The following PRDM5 variants were observed in gnomAD, a reference collection of about 807,000 sequenced individuals.
The protein encoded by PRDM5 is PR domain zinc finger protein 5.
In PRDM5, 56 loss-of-function variants were observed where a neutral mutation model predicts 81.2. That is an observed-to-expected ratio of 0.69 (90% CI 0.56 to 0.86). The LOEUF (loss-of-function observed/expected upper bound fraction) is 0.86. Among genes scored for constraint, PRDM5 ranks in the 40% least tolerant of loss-of-function variants. The pLI is 0.00. For missense variants in PRDM5, 697 were observed against 770.1 expected, an observed-to-expected ratio of 0.91 and a Z score of 1.12; for synonymous variants, 267 against 256.4, an observed-to-expected ratio of 1.04 and a Z score of -0.39.
At chr4:120,830,880 A>T (rs1330573114) in intron 3 of PRDM5, among the ~76,000 whole-genome samples, 5 of 152,042 alleles carry the variant, frequency 3.3e-5, no homozygotes, top group African/African-American at 1.2e-4. Flanking sequence ...ATCAATCACA[A>T]ATTACTAACA....
At chr4:120,892,438 T>C (rs372988632) in intron 2 of PRDM5, among the ~76,000 whole-genome samples, 1 of 152,296 alleles carries the variant, frequency 6.6e-6, no homozygotes, top group East Asian at 1.9e-4. Context: ...TATTGTGTGG[T>C]TATCTAAGTC....
intron 12 of PRDM5, 32 bp downstream of exon 12, chr4:120,781,111 T>A: frequency 6.3e-7 from 1 of 1,586,386 alleles, no homozygotes. Context: ...AAACACGTAA[T>A]CTGTTCAAAC....
chr4:120,816,327 G>T (rs753936958), intron 7 of PRDM5, 126 bp downstream of exon 7: 3 of 1,490,308 alleles, frequency 2.0e-6, no homozygotes, highest in South Asian at 2.3e-5. Context: ...CACTGCCAGC[G>T]CTCCACATCT....
intron 2 of PRDM5, among the ~76,000 whole-genome samples, chr4:120,899,869 C>T (rs945011680): frequency 2.0e-5 from 3 of 152,108 alleles, no homozygotes; most frequent in African/African-American, 4.8e-5. Flanking sequence ...TGACACACTC[C>T]CCAGGTTCAA....
At chr4:120,796,859 T>C (rs1751419002) in intron 10 of PRDM5, among the ~76,000 whole-genome samples, 1 of 152,172 alleles carries the variant, frequency 6.6e-6, no homozygotes, top group Admixed American at 6.5e-5. Context: ...CCATGGAGTA[T>C]AATAACTGAA....
At position 120,922,618 on chromosome 4, in the gene PRDM5, C is replaced by T. The variant is rs1725113274; in HGVS notation, c.-10G>A. 1 of 1,576,774 alleles carries T rather than the reference C, an allele frequency of 6.3e-7. No homozygotes were observed. The highest frequency in any genetic ancestry group is 2.4e-5 in the East Asian group (1 of 42,550). Reference sequence around the variant, plus strand: ...CGTACATGCCCAGCATTTTCCCGGGCGCGGCGGCCGCCGCCTCTCTCAACA... The same window carrying T: ...CGTACATGCCCAGCATTTTCCCGGGTGCGGCGGCCGCCGCCTCTCTCAACA... On this transcript the variant is annotated 5_prime_UTR_variant, in exon 1 of 16. Coordinates refer to ENST00000264808, the MANE Select transcript of PRDM5 (RefSeq NM_018699.4).
chr4:120,739,467 T>C (rs1401513233), intron 14 of PRDM5, among the ~76,000 whole-genome samples: 2 of 152,158 alleles, frequency 1.3e-5, no homozygotes, highest in Non-Finnish European at 2.9e-5. Flanking sequence ...ACATATAGAA[T>C]GAGAATGCAG....
chr4:120,695,314 TAAAC>T (rs749011194), intron 15 of PRDM5, 39 bp from the exon 16 acceptor site: 1 of 1,607,382 alleles, frequency 6.2e-7, no homozygotes. Context: ...TATACTGAAA[TAAAC>T]AAAATTTATA....
At chr4:120,861,337 C>T (rs777360218) in intron 2 of PRDM5, among the ~76,000 whole-genome samples, 3 of 152,094 alleles carry the variant, frequency 2.0e-5, no homozygotes, top group African/African-American at 7.2e-5. Context: ...ATTTTCCCTA[C>T]AGCATATTAA....
intron 2 of PRDM5, among the ~76,000 whole-genome samples, chr4:120,894,972 C>G (rs1463321184): frequency 6.6e-6 from 1 of 152,164 alleles, no homozygotes; most frequent in African/African-American, 2.4e-5. Flanking sequence ...CACTAAACAC[C>G]AAAACATCGG....
intron 14 of PRDM5, among the ~76,000 whole-genome samples, chr4:120,717,432 T>C (rs1264518537): frequency 1.3e-5 from 2 of 152,190 alleles, no homozygotes; most frequent in Non-Finnish European, 2.9e-5. Flanking sequence ...TAATAAAAAG[T>C]CGTATTTTGT....
At chr4:120,776,949 A>G (rs1748238299) in intron 13 of PRDM5, among the ~76,000 whole-genome samples, 1 of 152,198 alleles carries the variant, frequency 6.6e-6, no homozygotes, top group Non-Finnish European at 1.5e-5. Context: ...CAGTTATATC[A>G]CAACCAAACA....
chr4:120,900,896 A>T (rs1029149469), intron 2 of PRDM5, among the ~76,000 whole-genome samples: 8 of 152,170 alleles, frequency 5.3e-5, no homozygotes, highest in African/African-American at 1.9e-4. Flanking sequence ...AAAAGATTAT[A>T]TAGTAATAAA....
rs933939997 is a variant in PRDM5, at chr4:120,712,264, C to T, written c.1624-1851G>A. Among the ~76,000 whole-genome samples the T allele has an allele frequency of 1.3e-4, 19 of 151,994 alleles. 1 individual carries two copies. The highest frequency in any genetic ancestry group is 9.8e-4 in the Admixed American group (15 of 15,256). ...TGACTCCAATGCACTCCAGCCTGGG[C>T]GACAAGAGCAAAACTCCCTCTCAAA... On this transcript the variant is annotated intron_variant, in intron 14 of 15. Transcript: ENST00000264808.
At chr4:120,734,826 C>T (rs779009208) in intron 14 of PRDM5, among the ~76,000 whole-genome samples, 18 of 152,186 alleles carry the variant, frequency 1.2e-4, no homozygotes, top group Non-Finnish European at 2.4e-4. Flanking sequence ...AGCCCTCCTC[C>T]TATGCTGAGG....
At chr4:120,708,157 C>A (rs1266316923) in intron 15 of PRDM5, among the ~76,000 whole-genome samples, 1 of 152,026 alleles carries the variant, frequency 6.6e-6, no homozygotes, top group Non-Finnish European at 1.5e-5. Context: ...GTATATACCC[C>A]AAATAATTGA....
At chr4:120,815,810 C>T (rs1053309609) in intron 7 of PRDM5, among the ~76,000 whole-genome samples, 1 of 152,204 alleles carries the variant, frequency 6.6e-6, no homozygotes, top group African/African-American at 2.4e-5. Context: ...TGAGACAATA[C>T]AGCCATCTGT....
At chr4:120,823,077 G>T (rs1005227314) in intron 3 of PRDM5, among the ~76,000 whole-genome samples, 3 of 152,122 alleles carry the variant, frequency 2.0e-5, no homozygotes, top group African/African-American at 4.8e-5. Flanking sequence ...GTTTTTAACT[G>T]TTTGGGTAAC....
chr4:120,813,632 A>G (rs1754130553), intron 7 of PRDM5, among the ~76,000 whole-genome samples: 1 of 152,220 alleles, frequency 6.6e-6, no homozygotes, highest in Non-Finnish European at 1.5e-5. Context: ...GAAAAGTAAC[A>G]TGGCTACTAA....
Sources: gnomAD v4.1 joint callset for allele counts (sites outside exome capture counted in the v4.1 genomes callset) on GRCh38, gnomAD v4.1.1 for gene constraint, MANE v1.5 for transcripts, NCBI Gene and HGNC (gene_info 2026-07-23, HGNC 2026-07-21) for gene names.